LIN54: variants seen among roughly 807,000 people sequenced by gnomAD.
LIN54 encodes the protein protein lin-54 homolog.
In LIN54, 9 loss-of-function variants were observed where a neutral mutation model predicts 78.7. The ratio of observed to expected loss-of-function variants is 0.11; its 90% confidence interval spans 0.07 to 0.20. The LOEUF is 0.20. LIN54 is among the 10% of genes least tolerant of loss of function. The probability of loss-of-function intolerance (pLI) is 1.00; values close to 1 mark genes in which losing one functional copy is unlikely to be tolerated. For missense variants in LIN54, 573 were observed against 889.9 expected, an observed-to-expected ratio of 0.64 and a Z score of 4.53; for synonymous variants, 269 against 318.4, an observed-to-expected ratio of 0.84 and a Z score of 1.65.
At chr4:82,955,517 C>T (rs1724236008) in intron 4 of LIN54, among the ~76,000 whole-genome samples, 1 of 151,846 alleles carries the variant, frequency 6.6e-6, no homozygotes, top group Non-Finnish European at 1.5e-5. Flanking sequence ...AGAGAAATAT[C>T]AATCATTTCC....
intron 5 of LIN54, among the ~76,000 whole-genome samples, chr4:82,944,316 C>T (rs189550151): frequency 9.2e-5 from 14 of 152,182 alleles, no homozygotes; most frequent in Non-Finnish European, 1.5e-4. Context: ...TACTATTATA[C>T]GCATACAAAC....
At chr4:82,938,292 A>G (rs992335968) in intron 8 of LIN54, 121 bp downstream of exon 8, 3 of 590,314 alleles carry the variant, frequency 5.1e-6, no homozygotes, top group Non-Finnish European at 9.1e-6. Context: ...AGTATTTTAG[A>G]GGCATGCTCA....
At chr4:82,985,317 A>T (rs1727030434) in intron 1 of LIN54, among the ~76,000 whole-genome samples, 1 of 152,228 alleles carries the variant, frequency 6.6e-6, no homozygotes, top group South Asian at 2.1e-4. Flanking sequence ...TGTAAAATAC[A>T]TTCAAATCTC....
In LIN54 at chr4:82,979,597, G is replaced by T. The variant is rs542923071; in HGVS notation, c.685-591C>A. ...AAACTATTATAAGGGCAACAGCTCT[G>T]AAATATTATTTACTAAACTATTATG... is the stretch of plus-strand genomic sequence containing the variant. On this transcript the variant is annotated intron_variant, in intron 2 of 12. Transcript: ENST00000340417. Among the ~76,000 whole-genome samples the T allele has an allele frequency of 6.6e-4, 100 of 152,160 alleles. 1 individual carries two copies. The highest frequency in any genetic ancestry group is 1.6e-3 in the Admixed American group (25 of 15,278).
At chr4:83,005,990 A>G (rs1035579960) in intron 1 of LIN54, among the ~76,000 whole-genome samples, 1 of 152,256 alleles carries the variant, frequency 6.6e-6, no homozygotes, top group Non-Finnish European at 1.5e-5. Flanking sequence ...AGCAACATGG[A>G]TGCAGCTGGA....
intron 2 of LIN54, among the ~76,000 whole-genome samples, chr4:82,982,633 T>C (rs1028454660): frequency 2.6e-5 from 4 of 152,204 alleles, no homozygotes; most frequent in Admixed American, 6.5e-5. Context: ...AGATGCTTGA[T>C]GGTGATAAGA....
chr4:82,976,010 G>C (rs1726133180), intron 3 of LIN54, among the ~76,000 whole-genome samples: 1 of 152,200 alleles, frequency 6.6e-6, no homozygotes, highest in South Asian at 2.1e-4. Context: ...TCAGCCGCAA[G>C]GAACGGCAAA....
Position 82,995,372 on chromosome 4 carries a change from G to A in LIN54, c.-32-10496C>T, listed in dbSNP as rs1171692087. On this transcript the variant is annotated intron_variant, in intron 1 of 12. Coordinates refer to ENST00000340417, the MANE Select transcript of LIN54 (RefSeq NM_194282.4). ...TAAATTTAATTTTTTTTTAAAAAAG[G>A]TCTGATTGGTTTGGCCAGAGTCTAT... is the stretch of plus-strand genomic sequence containing the variant. Among the ~76,000 whole-genome samples, 16 of 150,540 alleles carry A rather than the reference G, an allele frequency of 1.1e-4. No homozygotes were observed. The Admixed American group carries it at 1.1e-3, about 10-fold the overall frequency.
At chr4:83,009,907 A>T (rs1241189727) in intron 1 of LIN54, among the ~76,000 whole-genome samples, 2 of 152,230 alleles carry the variant, frequency 1.3e-5, no homozygotes, top group African/African-American at 4.8e-5. Context: ...GAGGGTGAGT[A>T]TAGAGAAGAA....
chr4:83,012,085 C>G, upstream of LIN54: 1 of 971,398 alleles, frequency 1.0e-6, no homozygotes, highest in East Asian at 1.1e-4. Flanking sequence ...TGTCCACCAC[C>G]CACCCCAATT....
At chr4:83,007,731 T>C (rs1426183305) in intron 1 of LIN54, among the ~76,000 whole-genome samples, 1 of 151,786 alleles carries the variant, frequency 6.6e-6, no homozygotes, top group Non-Finnish European at 1.5e-5. Flanking sequence ...CTACCAAAAA[T>C]ACAAAAAATT....
At chr4:83,002,726 T>C (rs573357505) in intron 1 of LIN54, among the ~76,000 whole-genome samples, 1 of 152,282 alleles carries the variant, frequency 6.6e-6, no homozygotes, top group South Asian at 2.1e-4. Context: ...CTCCTTACGG[T>C]TTTTGTAATA....
chr4:82,952,022 A>AT (rs1470341592), intron 4 of LIN54, among the ~76,000 whole-genome samples: 1 of 152,138 alleles, frequency 6.6e-6, no homozygotes, highest in Non-Finnish European at 1.5e-5. Flanking sequence ...ACTAAAAAAA[A>AT]CTCTTAGAAG....
intron 1 of LIN54, among the ~76,000 whole-genome samples, chr4:83,004,363 T>TCTAGCCTACGCCACTGC: frequency 7.7e-6 from 1 of 130,398 alleles, no homozygotes; most frequent in South Asian, 2.4e-4. Flanking sequence ...CGCGCCACTG[T>TCTAGCCTACGCCACTGC]ACTCCAGCCT....
intron 4 of LIN54, among the ~76,000 whole-genome samples, chr4:82,965,697 AAGAT>A (rs1412479782): frequency 6.6e-6 from 1 of 152,202 alleles, no homozygotes; most frequent in East Asian, 1.9e-4. Flanking sequence ...AAGGGGTCAG[AAGAT>A]AGCAAGAGCT....
intron 3 of LIN54, among the ~76,000 whole-genome samples, chr4:82,974,152 G>A (rs1486907212): frequency 1.3e-5 from 2 of 151,902 alleles, no homozygotes; most frequent in Admixed American, 6.6e-5. Context: ...GGAGCTTGCA[G>A]TGAGCCGAGA....
At chr4:82,984,017 A>AAC (rs1334252814) in intron 2 of LIN54, 144 bp downstream of exon 2, 12 of 630,564 alleles carry the variant, frequency 1.9e-5, no homozygotes, top group Admixed American at 3.4e-5. Context: ...CAAACTTAAA[A>AAC]ACACACACAC....
At chr4:82,939,797 T>TGCA (rs1722697261) in intron 6 of LIN54, 61 bp from the exon 7 acceptor site, 1 of 1,591,370 alleles carries the variant, frequency 6.3e-7, no homozygotes, top group Non-Finnish European at 8.6e-7. Flanking sequence ...TTCAATTCAG[T>TGCA]ATAAATCTCT....
intron 5 of LIN54, among the ~76,000 whole-genome samples, chr4:82,943,634 G>A (rs1359534102): frequency 6.6e-6 from 1 of 152,054 alleles, no homozygotes; most frequent in African/African-American, 2.4e-5. Flanking sequence ...AATAACATGG[G>A]CGTATATGTA....
Sources: gnomAD v4.1 joint callset for allele counts (sites outside exome capture counted in the v4.1 genomes callset) on GRCh38, gnomAD v4.1.1 for gene constraint, MANE v1.5 for transcripts, NCBI Gene and HGNC (gene_info 2026-07-23, HGNC 2026-07-21) for gene names.